ATG7: variants seen among roughly 807,000 people sequenced by gnomAD.
ATG7 encodes the protein ubiquitin-like modifier-activating enzyme ATG7.
Under a neutral mutation model 82.4 loss-of-function variants are expected in ATG7, and 70 were observed. That is an observed-to-expected ratio of 0.85 (90% confidence interval 0.70 to 1.04). ATG7 has a LOEUF of 1.04. Among genes scored for constraint, ATG7 ranks in the 50% least tolerant of loss-of-function variants. ATG7 has a pLI of 0.00. For missense variants in ATG7, 792 were observed against 864.3 expected, an observed-to-expected ratio of 0.92 and a Z score of 1.05; for synonymous variants, 287 against 313.0, an observed-to-expected ratio of 0.92 and a Z score of 0.88.
intron 18 of ATG7, among the ~76,000 whole-genome samples, chr3:11,373,012 T>G (rs1319723297): frequency 6.6e-6 from 1 of 151,282 alleles, no homozygotes; most frequent in Admixed American, 6.6e-5. Flanking sequence ...TATGGGTTAT[T>G]GTTTTGTTTG....
At chr3:11,370,134 T>C (rs1045527526) in intron 18 of ATG7, among the ~76,000 whole-genome samples, 4 of 151,244 alleles carry the variant, frequency 2.6e-5, no homozygotes, top group Non-Finnish European at 4.4e-5. Context: ...GAGACCCTTG[T>C]AAATATCGGT....
intron 20 of ATG7, among the ~76,000 whole-genome samples, chr3:11,478,389 C>G (rs564529464): frequency 6.6e-6 from 1 of 152,100 alleles, no homozygotes; most frequent in East Asian, 1.9e-4. Flanking sequence ...AACCAAACAC[C>G]CATTAATGGT....
chr3:11,518,025 T>C (rs2124887535), intron 20 of ATG7, among the ~76,000 whole-genome samples: 1 of 152,172 alleles, frequency 6.6e-6, no homozygotes, highest in African/African-American at 2.4e-5. Context: ...TGAATCGATG[T>C]TGAAAATATA....
intron 14 of ATG7, 82 bp from the exon 15 acceptor site, chr3:11,358,336 C>T: frequency 7.2e-7 from 1 of 1,379,624 alleles, no homozygotes. Context: ...CAAGTAAGTG[C>T]AGGCAGCTGT....
At chr3:11,538,810 G>C (rs1050760737) in intron 20 of ATG7, among the ~76,000 whole-genome samples, 1 of 149,672 alleles carries the variant, frequency 6.7e-6, no homozygotes, top group Non-Finnish European at 1.5e-5. Context: ...GGAAGGTCGA[G>C]GCTGCAGTGA....
chr3:11,465,626 G>A (rs190107913), intron 20 of ATG7, among the ~76,000 whole-genome samples: 5 of 151,780 alleles, frequency 3.3e-5, no homozygotes, highest in Admixed American at 2.0e-4. Flanking sequence ...TTAGCTGGGC[G>A]TGGTGGCACA....
chr3:11,439,739 C>T (rs1259498231), intron 20 of ATG7, among the ~76,000 whole-genome samples: 1 of 152,168 alleles, frequency 6.6e-6, no homozygotes, highest in Non-Finnish European at 1.5e-5. Flanking sequence ...AAGGTTGGAG[C>T]TCCAAGTGCA....
intron 19 of ATG7, among the ~76,000 whole-genome samples, chr3:11,422,758 T>TTG: frequency 7.6e-6 from 1 of 132,016 alleles, no homozygotes; most frequent in East Asian, 2.2e-4. Flanking sequence ...TTTTTTTTTT[T>TTG]TTTTTTTTTT....
At chr3:11,403,872 G>T (rs556709673) in intron 19 of ATG7, among the ~76,000 whole-genome samples, 1 of 152,164 alleles carries the variant, frequency 6.6e-6, no homozygotes, top group Non-Finnish European at 1.5e-5. Context: ...CCAAAGAAGC[G>T]TATAAACTAG....
At chr3:11,506,239 G>A (rs865891082) in intron 20 of ATG7, among the ~76,000 whole-genome samples, 4 of 152,114 alleles carry the variant, frequency 2.6e-5, no homozygotes, top group African/African-American at 9.7e-5. Context: ...GTAGAAATTT[G>A]TTTCTCCATG....
chr3:11,570,352 G>C, the ATG7 span, among the ~76,000 whole-genome samples: 1 of 152,124 alleles, frequency 6.6e-6, no homozygotes, highest in African/African-American at 2.4e-5. Context: ...CACAGGAAAG[G>C]AGCAGTGCGG....
intron 19 of ATG7, among the ~76,000 whole-genome samples, chr3:11,395,578 A>G (rs955888432): frequency 3.3e-5 from 5 of 152,226 alleles, no homozygotes; most frequent in Non-Finnish European, 7.3e-5. Flanking sequence ...GACAATGGAA[A>G]TAACTTCTTT....
At chr3:11,486,791 A>C (rs2089704842) in intron 20 of ATG7, among the ~76,000 whole-genome samples, 1 of 149,752 alleles carries the variant, frequency 6.7e-6, no homozygotes, top group African/African-American at 2.5e-5. Flanking sequence ...ATCTATTGAG[A>C]TAATCATGTG....
At chr3:11,491,212 T>G (rs1337414439) in intron 20 of ATG7, among the ~76,000 whole-genome samples, 1 of 152,206 alleles carries the variant, frequency 6.6e-6, no homozygotes, top group Non-Finnish European at 1.5e-5. Flanking sequence ...CTTGCTTCAT[T>G]TCATTCATTT....
In ATG7 at chr3:11,554,990, G is replaced by T; in HGVS notation, c.*147G>T. ...TGGGATTCCCCCCTCTGCTGCCCAG[G>T]AGTGGCCAGTGTTCGGCGTTGCTCG... On this transcript the variant is annotated 3_prime_UTR_variant, in exon 21 of 21. Transcript: ENST00000693202. 1 of 1,018,828 alleles carries T rather than the reference G, an allele frequency of 9.8e-7. No homozygotes were observed. Among genetic ancestry groups the T allele is most frequent in the Non-Finnish European group, 1.4e-6 (1 of 717,602 alleles). The allele number at this position is 1,018,828 out of a possible 1,614,324, so 63.1% of individuals were successfully genotyped here.
At chr3:11,470,918 T>TC (rs1344259415) in intron 20 of ATG7, among the ~76,000 whole-genome samples, 1 of 152,218 alleles carries the variant, frequency 6.6e-6, no homozygotes, top group Non-Finnish European at 1.5e-5. Context: ...GTGCAGATAG[T>TC]CCCCTTCTCC....
At chr3:11,536,612 GT>G (rs1192957994) in intron 20 of ATG7, among the ~76,000 whole-genome samples, 1 of 152,242 alleles carries the variant, frequency 6.6e-6, no homozygotes, top group East Asian at 1.9e-4. Flanking sequence ...CAGAGTAAAC[GT>G]TTGTGTGAGC....
At chr3:11,308,427 T>C (rs1202862594) in intron 6 of ATG7, 4 of 153,314 alleles carry the variant, frequency 2.6e-5, no homozygotes, top group African/African-American at 9.7e-5. Flanking sequence ...AAGAAACCCC[T>C]ATGTGTATTT....
At chr3:11,389,237 A>G (rs1184553553) in intron 19 of ATG7, among the ~76,000 whole-genome samples, 1 of 149,860 alleles carries the variant, frequency 6.7e-6, no homozygotes, top group African/African-American at 2.4e-5. Context: ...TGTCTCAAAA[A>G]AAAAAAAAAA....
Sources: gnomAD v4.1 joint callset for allele counts (sites outside exome capture counted in the v4.1 genomes callset) on GRCh38, gnomAD v4.1.1 for gene constraint, MANE v1.5 for transcripts, NCBI Gene and HGNC (gene_info 2026-07-23, HGNC 2026-07-21) for gene names.